SCAND3: variants seen among roughly 807,000 people sequenced by gnomAD.
The protein encoded by SCAND3 is SCAN domain-containing protein 3.
chr6:28,598,493 CA>C, the SCAND3 span, among the ~76,000 whole-genome samples: 2 of 151,968 alleles, frequency 1.3e-5, no homozygotes, highest in Non-Finnish European at 2.9e-5. Flanking sequence ...CCTCACCATA[CA>C]ACTACCCAGC....
chr6:28,576,049 G>T, the SCAND3 span: 1 of 1,613,322 alleles, frequency 6.2e-7, no homozygotes, highest in Non-Finnish European at 8.5e-7. Context: ...CATGTTTTCT[G>T]GTTCAATTTC....
At chr6:28,581,931 C>A in the SCAND3 span, among the ~76,000 whole-genome samples, 1 of 152,124 alleles carries the variant, frequency 6.6e-6, no homozygotes, top group Non-Finnish European at 1.5e-5. Flanking sequence ...GTGGTATTTC[C>A]CCTGTGGGGG....
chr6:28,603,001 C>T, the SCAND3 span, among the ~76,000 whole-genome samples: 2 of 122,652 alleles, frequency 1.6e-5, no homozygotes, highest in South Asian at 2.5e-4. Flanking sequence ...CTCACTCTGT[C>T]GCCCAGGCTG....
chr6:28,597,365 G>C, the SCAND3 span, among the ~76,000 whole-genome samples: 1 of 152,158 alleles, frequency 6.6e-6, no homozygotes, highest in Non-Finnish European at 1.5e-5. Flanking sequence ...TCGAACCCAC[G>C]CGTGCAGAGC....
the SCAND3 span, among the ~76,000 whole-genome samples, chr6:28,607,144 C>G: frequency 6.6e-6 from 1 of 152,144 alleles, no homozygotes; most frequent in Non-Finnish European, 1.5e-5. Context: ...GCAAAGCAAC[C>G]TGTCTGTGGT....
chr6:28,572,835 T>A, the SCAND3 span: 1 of 1,613,642 alleles, frequency 6.2e-7, no homozygotes, highest in African/African-American at 1.3e-5. This position sits in a 1 kb window ranked among gnomAD's most constrained non-coding sequence, Gnocchi z 4.1. Flanking sequence ...TATCATTAAG[T>A]ACACTATTTA....
At chr6:28,614,161 C>T in the SCAND3 span, among the ~76,000 whole-genome samples, 22 of 152,160 alleles carry the variant, frequency 1.4e-4, no homozygotes, top group African/African-American at 5.1e-4. Flanking sequence ...CAGAGTTTCA[C>T]CATGTTGACC....
At chr6:28,614,717 A>T in the SCAND3 span, among the ~76,000 whole-genome samples, 1 of 151,250 alleles carries the variant, frequency 6.6e-6, no homozygotes, top group South Asian at 2.1e-4. Context: ...CACCCACCTC[A>T]GCCTCCCAAA....
At chr6:28,605,774 A>AGGC in the SCAND3 span, among the ~76,000 whole-genome samples, 1 of 152,012 alleles carries the variant, frequency 6.6e-6, no homozygotes, top group Non-Finnish European at 1.5e-5. Flanking sequence ...TGAACCCGGG[A>AGGC]GGCGGAGGTT....
At chr6:28,602,955 A>ATT in the SCAND3 span, among the ~76,000 whole-genome samples, 5 of 139,524 alleles carry the variant, frequency 3.6e-5, no homozygotes, top group African/African-American at 6.0e-5. Flanking sequence ...ACCAAAAAAA[A>ATT]ATTTTTTTTT....
chr6:28,612,312 A>C, the SCAND3 span, among the ~76,000 whole-genome samples: 1 of 152,130 alleles, frequency 6.6e-6, no homozygotes, highest in Non-Finnish European at 1.5e-5. Context: ...TGCTGGGATT[A>C]CAGGCGTGAG....
At chr6:28,592,173 G>A in the SCAND3 span, among the ~76,000 whole-genome samples, 1 of 152,192 alleles carries the variant, frequency 6.6e-6, no homozygotes, top group African/African-American at 2.4e-5. The surrounding 1 kb of genome is among the most constrained non-coding windows in gnomAD (Gnocchi z 4.1). Flanking sequence ...ATTTGCTGAT[G>A]ACATGATCAG....
At chr6:28,576,018 G>A in the SCAND3 span, 1 of 1,613,650 alleles carries the variant, frequency 6.2e-7, no homozygotes, top group Non-Finnish European at 8.5e-7. Flanking sequence ...ACCTTGCTAA[G>A]CTTCTGAAGA....
At chr6:28,593,481 C>G in the SCAND3 span, 2 of 151,838 alleles carry the variant, frequency 1.3e-5, no homozygotes, top group Non-Finnish European at 2.9e-5. Flanking sequence ...TCAAGACCAG[C>G]CTGGCCACCA....
chr6:28,595,330 C>CAAAAAAAAAAAAAAAAAAAAA, the SCAND3 span, among the ~76,000 whole-genome samples: 2 of 37,328 alleles, frequency 5.4e-5, no homozygotes, highest in African/African-American at 9.1e-5. Context: ...AACCCAGTCT[C>CAAAAAAAAAAAAAAAAAAAAA]AAAAAAAAAA....
chr6:28,606,633 C>T, the SCAND3 span, among the ~76,000 whole-genome samples: 1 of 152,124 alleles, frequency 6.6e-6, no homozygotes, highest in African/African-American at 2.4e-5. Flanking sequence ...TGCCTCTCAC[C>T]CGGGTCCAGA....
the SCAND3 span, among the ~76,000 whole-genome samples, chr6:28,579,033 C>T: frequency 6.6e-6 from 1 of 152,192 alleles, no homozygotes; most frequent in Non-Finnish European, 1.5e-5. The surrounding 1 kb of genome is among the most constrained non-coding windows in gnomAD (Gnocchi z 4.5). Flanking sequence ...TCCACAGGTA[C>T]TTACTAACTT....
At chr6:28,601,174 G>A in the SCAND3 span, among the ~76,000 whole-genome samples, 8 of 151,970 alleles carry the variant, frequency 5.3e-5, no homozygotes, top group Non-Finnish European at 1.2e-4. Context: ...CAATGTGCTG[G>A]GATTACAGGC....
chr6:28,613,591 A>T, the SCAND3 span, among the ~76,000 whole-genome samples: 1 of 152,136 alleles, frequency 6.6e-6, no homozygotes, highest in South Asian at 2.1e-4. Flanking sequence ...GGCACATGTA[A>T]TGCTTAGAGA....
Sources: allele counts gnomAD v4.1 joint callset (sites outside exome capture counted in the v4.1 genomes callset), GRCh38; gene constraint gnomAD v4.1.1; non-coding constraint Gnocchi (gnomAD v3.1); transcripts MANE v1.5; gene names NCBI Gene and HGNC (gene_info 2026-07-23, HGNC 2026-07-21).